The following SPAG16 variants were observed in gnomAD, a reference collection of about 807,000 sequenced individuals.
SPAG16 encodes the protein sperm-associated antigen 16 protein.
A neutral mutation model predicts 80.4 loss-of-function variants in SPAG16; 86 were observed. That is an observed-to-expected ratio of 1.07 (90% CI 0.90 to 1.28). The LOEUF (loss-of-function observed/expected upper bound fraction) is 1.28. Among genes scored for constraint, SPAG16 ranks in the 50% most tolerant of loss-of-function variants. The pLI, the probability that SPAG16 is intolerant of heterozygous loss-of-function variation, is 0.00. For missense variants in SPAG16, 870 were observed against 765.3 expected, an observed-to-expected ratio of 1.14 and a Z score of -1.61; for synonymous variants, 294 against 265.9, an observed-to-expected ratio of 1.11 and a Z score of -1.03.
chr2:213,382,577 G>A (rs148341948), intron 9 of SPAG16, among the ~76,000 whole-genome samples: 1 of 152,178 alleles, frequency 6.6e-6, no homozygotes, highest in Non-Finnish European at 1.5e-5. Context: ...TGGACATGTT[G>A]TAAACTTTTT....
intron 10 of SPAG16, among the ~76,000 whole-genome samples, chr2:213,669,576 A>C (rs2063739695): frequency 6.6e-6 from 1 of 152,238 alleles, no homozygotes; most frequent in Non-Finnish European, 1.5e-5. Context: ...ATAAATCAAT[A>C]AATACATAAA....
rs75048300 is a variant in SPAG16 at position 214,016,382 on chromosome 2, C to T, written c.1527+2305C>T. ...AGCTCGTGAGACTTATTCACTATCA[C>T]GAGAACAGCATGGGAAAAACTCACC... On this transcript the variant is annotated intron_variant, in intron 13 of 15. Coordinates refer to ENST00000331683, the MANE Select transcript of SPAG16 (RefSeq NM_024532.5). Among the ~76,000 whole-genome samples, 25 of 152,222 alleles carry T rather than the reference C, an allele frequency of 1.6e-4. 1 individual carries two copies. The highest frequency in any genetic ancestry group is 1.4e-3 in the East Asian group (7 of 5,164).
chr2:214,178,752 T>C (rs1260602518), intron 15 of SPAG16, among the ~76,000 whole-genome samples: 1 of 151,392 alleles, frequency 6.6e-6, no homozygotes, highest in African/African-American at 2.4e-5. Context: ...TATTACCCAG[T>C]ATTCGAAGCT....
At chr2:213,577,303 A>G (rs1426850974) in intron 10 of SPAG16, among the ~76,000 whole-genome samples, 3 of 152,088 alleles carry the variant, frequency 2.0e-5, no homozygotes, top group African/African-American at 7.2e-5. Context: ...ATTATTATCT[A>G]CTTCCTGTAT....
At chr2:214,304,528 T>C (rs1443121506) in intron 15 of SPAG16, among the ~76,000 whole-genome samples, 1 of 152,222 alleles carries the variant, frequency 6.6e-6, no homozygotes, top group East Asian at 1.9e-4. Flanking sequence ...CTAATATCTA[T>C]AGAAACAATG....
At chr2:213,914,529 C>T (rs901307757) in intron 11 of SPAG16, among the ~76,000 whole-genome samples, 15 of 152,090 alleles carry the variant, frequency 9.9e-5, no homozygotes, top group Non-Finnish European at 1.8e-4. Context: ...ATATGCACAG[C>T]ACAATGATTT....
At chr2:213,649,477 A>G (rs1277667480) in intron 10 of SPAG16, among the ~76,000 whole-genome samples, 1 of 152,244 alleles carries the variant, frequency 6.6e-6, no homozygotes, top group Admixed American at 6.5e-5. Context: ...ATTTAAAAAA[A>G]TAACCCAGAA....
At chr2:213,800,925 T>C (rs549499099) in intron 10 of SPAG16, among the ~76,000 whole-genome samples, 25 of 152,328 alleles carry the variant, frequency 1.6e-4, no homozygotes, top group African/African-American at 6.0e-4. Context: ...CAAAAAGCAA[T>C]GAAACTCAAG....
chr2:213,863,699 T>C (rs1262690196), intron 11 of SPAG16, among the ~76,000 whole-genome samples: 2 of 152,064 alleles, frequency 1.3e-5, no homozygotes, highest in African/African-American at 4.8e-5. Flanking sequence ...ATTAGAAGAA[T>C]AGCCAATCGC....
intron 15 of SPAG16, among the ~76,000 whole-genome samples, chr2:214,151,525 A>G (rs2055972698): frequency 6.6e-6 from 1 of 152,144 alleles, no homozygotes; most frequent in Non-Finnish European, 1.5e-5. Context: ...ATCTCAAAAT[A>G]CACATTCATT....
At chr2:214,258,116 G>A (rs1477133357) in intron 15 of SPAG16, among the ~76,000 whole-genome samples, 1 of 151,866 alleles carries the variant, frequency 6.6e-6, no homozygotes, top group Non-Finnish European at 1.5e-5. Flanking sequence ...ATTTCAGTAG[G>A]TTTGGGAGAA....
intron 15 of SPAG16, among the ~76,000 whole-genome samples, chr2:214,354,463 A>G (rs13017349): frequency 0.69 from 105,245 of 151,792 alleles, 40,713 homozygotes; most frequent in South Asian, 0.87. Context: ...TTTGGCTTAG[A>G]ATTGACTTGG....
At chr2:214,212,739 A>G (rs2058328852) in intron 15 of SPAG16, among the ~76,000 whole-genome samples, 1 of 152,236 alleles carries the variant, frequency 6.6e-6, no homozygotes, top group African/African-American at 2.4e-5. Flanking sequence ...TAGATGAACC[A>G]AAAAAGTCTT....
intron 15 of SPAG16, among the ~76,000 whole-genome samples, chr2:214,149,646 C>T (rs6435817): frequency 0.98 from 148,760 of 152,150 alleles, 72,796 homozygotes; most frequent in East Asian, 1. Context: ...AAAAATGAAC[C>T]TGAAATATTT....
chr2:213,976,935 C>G (rs1317883690), intron 12 of SPAG16, among the ~76,000 whole-genome samples: 1 of 151,970 alleles, frequency 6.6e-6, no homozygotes, highest in Admixed American at 6.6e-5. Flanking sequence ...GTTAGCTGAG[C>G]CTAACAGGAC....
intron 10 of SPAG16, among the ~76,000 whole-genome samples, chr2:213,560,361 C>A (rs1325617117): frequency 6.6e-6 from 1 of 151,876 alleles, no homozygotes; most frequent in Admixed American, 6.6e-5. Context: ...TCATTTTTTT[C>A]CTTCATAGGA....
intron 10 of SPAG16, among the ~76,000 whole-genome samples, chr2:213,716,072 A>AT (rs999384567): frequency 6.6e-6 from 1 of 152,096 alleles, no homozygotes; most frequent in Non-Finnish European, 1.5e-5. Context: ...TTATTTTCTA[A>AT]TTTTTACATA....
chr2:213,670,036 C>T (rs1365076790), intron 10 of SPAG16, among the ~76,000 whole-genome samples: 1 of 150,270 alleles, frequency 6.7e-6, no homozygotes, highest in Non-Finnish European at 1.5e-5. Flanking sequence ...TTCGCTCTGT[C>T]ACGCAGGCTG....
intron 10 of SPAG16, among the ~76,000 whole-genome samples, chr2:213,505,366 T>C (rs907442031): frequency 6.6e-6 from 1 of 152,148 alleles, no homozygotes; most frequent in African/African-American, 2.4e-5. Context: ...ATGAGTAAAA[T>C]TCTACTATAT....
Sources: gnomAD v4.1 joint callset for allele counts (sites outside exome capture counted in the v4.1 genomes callset) on GRCh38, gnomAD v4.1.1 for gene constraint, MANE v1.5 for transcripts, NCBI Gene and HGNC (gene_info 2026-07-23, HGNC 2026-07-21) for gene names.